The following TIAM1 variants were observed in gnomAD, a reference collection of about 807,000 sequenced individuals.
TIAM1 encodes the protein rho guanine nucleotide exchange factor TIAM1.
Under a neutral mutation model 163.5 loss-of-function variants are expected in TIAM1, and 65 were observed. The ratio of observed to expected loss-of-function variants is 0.40; its 90% CI spans 0.33 to 0.49. The LOEUF is 0.49. Ranked by LOEUF, TIAM1 falls within the 20% of genes least tolerant of loss-of-function variation. The pLI is 0.77. For missense variants in TIAM1, 1,789 were observed against 2,044.7 expected (o/e 0.87, Z 2.41); for synonymous variants, 833 against 810.1 (o/e 1.03, Z -0.48).
chr21:31,189,042 C>CTAT (rs2085431077), intron 13 of TIAM1, among the ~76,000 whole-genome samples: 1 of 84,942 alleles, frequency 1.2e-5, no homozygotes, highest in Admixed American at 1.6e-4. Context: ...GCTCCATTCC[C>CTAT]TCTTTTTTTT....
intron 2 of TIAM1, among the ~76,000 whole-genome samples, chr21:31,331,709 G>T (rs1243449901): frequency 6.6e-6 from 1 of 152,096 alleles, no homozygotes; most frequent in Non-Finnish European, 1.5e-5. Context: ...AGTATTCCTG[G>T]GCACTCACAC....
intron 2 of TIAM1, among the ~76,000 whole-genome samples, chr21:31,429,931 G>A (rs560548313): frequency 9.3e-4 from 141 of 152,246 alleles, no homozygotes; most frequent in African/African-American, 3.2e-3. Context: ...AGGGGGAGCC[G>A]GGAGTGGTGG....
intron 1 of TIAM1, among the ~76,000 whole-genome samples, chr21:31,510,686 C>A (rs932578890): frequency 1.2e-4 from 18 of 152,060 alleles, no homozygotes; most frequent in African/African-American, 3.9e-4. Flanking sequence ...TGGTGACAAG[C>A]ACCTGTAATC....
At chr21:31,435,801 T>C (rs192142648) in intron 2 of TIAM1, among the ~76,000 whole-genome samples, 4 of 152,254 alleles carry the variant, frequency 2.6e-5, no homozygotes, top group Admixed American at 2.6e-4. Context: ...CATGAATGGA[T>C]TAATGTCACT....
chr21:31,343,923 C>T lies in TIAM1; in HGVS notation c.-369+215G>A, dbSNP rs753962444. Among the ~76,000 whole-genome samples, 13 of 152,344 alleles carry T rather than the reference C, an allele frequency of 8.5e-5. No individual in the cohort carries two copies. In the South Asian group the frequency reaches 1.2e-3, roughly 15 times the overall value. ...TCGCCGCCGTCCCCTGCAGCTCAGC[C>T]GGCAACGCGCGCCGAGCCTCGGGGC... On this transcript the variant is annotated intron_variant, in intron 1 of 27. Transcript: ENST00000541036.
rs1191428297 is a variant in TIAM1 at position 31,519,267 on chromosome 21, T to G, written c.-422+39660A>C. Among the ~76,000 whole-genome samples, 3 of 139,014 alleles carry G rather than the reference T, an allele frequency of 2.2e-5. No homozygotes were observed. In the East Asian group the frequency reaches 6.3e-4, roughly 29 times the overall value. 91.2% of individuals were successfully genotyped at this position (139,014 alleles called of 152,430 possible). A position where few individuals can be genotyped will look rare whatever the true frequency, so the allele number is the denominator to read the frequency against. ...TTGCGGTGAGCCGAGATCGCGCCAC[T>G]GCACTCCAGCCTGGGCAACAAGAGT... On this transcript the variant is annotated intron_variant, in intron 1 of 28. Coordinates refer to the TIAM1 transcript ENST00000286827.
At chr21:31,179,523 C>T (rs1380837557) in intron 15 of TIAM1, among the ~76,000 whole-genome samples, 1 of 150,920 alleles carries the variant, frequency 6.6e-6, no homozygotes. Flanking sequence ...AAAATATCAG[C>T]TCCGAGTTAT....
At chr21:31,173,419 CTGTTA>C (rs552249188) in intron 15 of TIAM1, among the ~76,000 whole-genome samples, 103 of 152,162 alleles carry the variant, frequency 6.8e-4, no homozygotes, top group Non-Finnish European at 1.1e-3. Context: ...AGTCATTTTA[CTGTTA>C]TAAGATTTTA....
At chr21:31,543,527 T>C (rs1328477272) in intron 1 of TIAM1, among the ~76,000 whole-genome samples, 1 of 149,150 alleles carries the variant, frequency 6.7e-6, no homozygotes, top group Non-Finnish European at 1.5e-5. Flanking sequence ...ATTGTAACGA[T>C]TCAGAAGGGA....
chr21:31,368,126 C>T lies in TIAM1; in HGVS notation c.-368-28704G>A, dbSNP rs576902788. Among the ~76,000 whole-genome samples the T allele has an allele frequency of 2.6e-5, 4 of 152,264 alleles. No individual in the cohort carries two copies. In the East Asian group the frequency reaches 7.7e-4, roughly 29 times the overall value. The stretch of plus-strand genomic sequence containing the variant: ...AGTTATTTATATGATATTAAAGAGA[C>T]TTTAACCAACTTGATGGCAAACCTA... On this transcript the variant is annotated intron_variant, in intron 2 of 28. Transcript: ENST00000286827.
At chr21:31,516,671 TAA>T (rs375716984) in intron 1 of TIAM1, among the ~76,000 whole-genome samples, 24 of 122,160 alleles carry the variant, frequency 2.0e-4, no homozygotes, top group Admixed American at 2.6e-4. Flanking sequence ...GGACTTACCC[TAA>T]AAAAAAAAAA....
intron 2 of TIAM1, among the ~76,000 whole-genome samples, chr21:31,433,119 TA>T (rs1346014914): frequency 1.3e-5 from 2 of 152,204 alleles, no homozygotes; most frequent in Non-Finnish European, 2.9e-5. Context: ...ATAAGGTAGA[TA>T]AATAACCAAT....
chr21:31,234,676 G>A (rs1003174567), intron 6 of TIAM1, among the ~76,000 whole-genome samples: 1 of 152,068 alleles, frequency 6.6e-6, no homozygotes, highest in African/African-American at 2.4e-5. Context: ...AGATATTCGA[G>A]AGGCTGAGGT....
At chr21:31,355,990 G>C (rs1204844334) in intron 2 of TIAM1, among the ~76,000 whole-genome samples, 1 of 152,144 alleles carries the variant, frequency 6.6e-6, no homozygotes, top group East Asian at 1.9e-4. Flanking sequence ...CAAGTGCCTA[G>C]AAGAGGGCTT....
intron 15 of TIAM1, among the ~76,000 whole-genome samples, chr21:31,179,697 A>T (rs1330058773): frequency 6.6e-6 from 1 of 152,122 alleles, no homozygotes; most frequent in East Asian, 1.9e-4. Flanking sequence ...CCAGTTGTTT[A>T]GTTTAAAACT....
chr21:31,214,698 A>G (rs922046704), intron 9 of TIAM1, among the ~76,000 whole-genome samples: 1 of 152,262 alleles, frequency 6.6e-6, no homozygotes, highest in Non-Finnish European at 1.5e-5. Flanking sequence ...TTTTGTGATT[A>G]TCCCTAAAAC....
chr21:31,280,433 C>A (rs1020185266), intron 2 of TIAM1, among the ~76,000 whole-genome samples: 12 of 152,124 alleles, frequency 7.9e-5, no homozygotes, highest in African/African-American at 2.9e-4. Context: ...TGTGAGGCAT[C>A]CCCAGCCACG....
intron 1 of TIAM1, among the ~76,000 whole-genome samples, chr21:31,555,909 G>A (rs1435267212): frequency 2.0e-5 from 3 of 152,124 alleles, no homozygotes; most frequent in Non-Finnish European, 2.9e-5. Flanking sequence ...GGAATCTGGG[G>A]GGAAGGAGAC....
chr21:31,441,742 T>C (rs2044424285), intron 2 of TIAM1, among the ~76,000 whole-genome samples: 1 of 151,570 alleles, frequency 6.6e-6, no homozygotes. Flanking sequence ...GTTAAAAGAG[T>C]AATGAAGACT....
Sources: gnomAD v4.1 joint callset for allele counts (sites outside exome capture counted in the v4.1 genomes callset) on GRCh38, gnomAD v4.1.1 for gene constraint, MANE v1.5 for transcripts, NCBI Gene and HGNC (gene_info 2026-07-23, HGNC 2026-07-21) for gene names.